LRRC4C: variants seen among roughly 807,000 people sequenced by gnomAD.
LRRC4C encodes the protein leucine-rich repeat-containing protein 4C.
In LRRC4C, 5 loss-of-function variants were observed where a neutral mutation model predicts 33.6. The ratio of observed to expected loss-of-function variants is 0.15; its 90% CI spans 0.08 to 0.31. LRRC4C has a LOEUF of 0.31. Among genes scored for constraint, LRRC4C ranks in the 10% least tolerant of loss-of-function variants. The probability of loss-of-function intolerance (pLI) is 1.00; values close to 1 mark genes in which losing one functional copy is unlikely to be tolerated. For missense variants in LRRC4C, 560 were observed against 796.7 expected, an observed-to-expected ratio of 0.70 and a Z score of 3.58; for synonymous variants, 329 against 302.0, an observed-to-expected ratio of 1.09 and a Z score of -0.93.
chr11:40,656,333 T>G (rs546738405), intron 2 of LRRC4C, among the ~76,000 whole-genome samples: 46 of 152,060 alleles, frequency 3.0e-4, no homozygotes, highest in African/African-American at 1.1e-3. Context: ...CACACAAGTG[T>G]TTATATGAAA....
intron 1 of LRRC4C, among the ~76,000 whole-genome samples, chr11:41,137,076 T>A (rs979829729): frequency 6.6e-6 from 1 of 151,966 alleles, no homozygotes; most frequent in African/African-American, 2.4e-5. Context: ...GGCGAAACCC[T>A]GACCCTAGTA....
At chr11:40,688,020 C>T (rs77763978) in intron 2 of LRRC4C, among the ~76,000 whole-genome samples, 3,520 of 151,670 alleles carry the variant, frequency 0.023, 141 homozygotes, top group African/African-American at 0.08. Flanking sequence ...TTGTAATCTA[C>T]TATTGTTCCA....
intron 3 of LRRC4C, among the ~76,000 whole-genome samples, chr11:40,644,830 A>C (rs1942343692): frequency 6.6e-6 from 1 of 152,190 alleles, no homozygotes; most frequent in African/African-American, 2.4e-5. Flanking sequence ...GGTGATAGAA[A>C]TGACGTGTAT....
intron 3 of LRRC4C, among the ~76,000 whole-genome samples, chr11:40,363,816 A>G (rs1948078886): frequency 6.6e-6 from 1 of 152,180 alleles, no homozygotes; most frequent in Non-Finnish European, 1.5e-5. Context: ...GGAACCAATG[A>G]ACACTGTTTC....
intron 1 of LRRC4C, among the ~76,000 whole-genome samples, chr11:41,376,929 G>A (rs2137842232): frequency 6.6e-6 from 1 of 152,122 alleles, no homozygotes; most frequent in East Asian, 1.9e-4. Flanking sequence ...AAGACCTAAA[G>A]CAATTAACTT....
At chr11:40,613,529 A>G (rs910330403) in intron 3 of LRRC4C, among the ~76,000 whole-genome samples, 1 of 151,778 alleles carries the variant, frequency 6.6e-6, no homozygotes, top group Non-Finnish European at 1.5e-5. Context: ...ATTCTACTGA[A>G]GTCTTGAAGC....
intron 3 of LRRC4C, among the ~76,000 whole-genome samples, chr11:40,330,328 A>G (rs1946302529): frequency 6.6e-6 from 1 of 152,122 alleles, no homozygotes; most frequent in South Asian, 2.1e-4. Context: ...TAAAAATATT[A>G]TTTTTAATTA....
At chr11:40,409,795 G>C (rs1202884712) in intron 3 of LRRC4C, among the ~76,000 whole-genome samples, 1 of 152,002 alleles carries the variant, frequency 6.6e-6, no homozygotes, top group South Asian at 2.1e-4. Context: ...ATGTAAATTA[G>C]TATAAGCATT....
rs1956875256 is a variant in LRRC4C, at chr11:40,914,890, T to C, written c.-407+18745A>G. The stretch of plus-strand genomic sequence containing the variant: ...ATCAATGTACAAAAATCACAAGCAT[T>C]CTTATACACCAATAACAGACAGAGA... On this transcript the variant is annotated intron_variant, in intron 2 of 6. Coordinates refer to ENST00000528697, the MANE Select transcript of LRRC4C (RefSeq NM_001258419.2). 1.3e-5 allele frequency among the ~76,000 whole-genome samples: 2 copies of C among 152,158 alleles called. 1 individual carries two copies. The highest frequency in any genetic ancestry group is 4.1e-4 in the South Asian group (2 of 4,826).
chr11:40,389,760 T>C (rs777162100), intron 3 of LRRC4C, among the ~76,000 whole-genome samples: 31 of 152,190 alleles, frequency 2.0e-4, no homozygotes, highest in Non-Finnish European at 4.6e-4. Flanking sequence ...TTTACTACTA[T>C]TTTACTCATG....
chr11:40,643,789 A>G (rs531292452), intron 3 of LRRC4C, among the ~76,000 whole-genome samples: 122 of 152,276 alleles, frequency 8.0e-4, no homozygotes, highest in Non-Finnish European at 1.4e-3. Flanking sequence ...ATATAAGCAA[A>G]GGACAGGTGA....
intron 3 of LRRC4C, among the ~76,000 whole-genome samples, chr11:40,348,304 C>T (rs1409553167): frequency 6.6e-6 from 1 of 151,466 alleles, no homozygotes; most frequent in Non-Finnish European, 1.5e-5. Context: ...CTGTGAAGCA[C>T]AATAAAACAA....
At chr11:41,123,518 C>A (rs569120079) in intron 1 of LRRC4C, among the ~76,000 whole-genome samples, 1 of 151,300 alleles carries the variant, frequency 6.6e-6, no homozygotes, top group South Asian at 2.1e-4. Context: ...GTGATCCGCC[C>A]GCCTCGGCCT....
intron 1 of LRRC4C, among the ~76,000 whole-genome samples, chr11:41,047,202 C>T (rs943001032): frequency 9.2e-5 from 14 of 151,758 alleles, no homozygotes; most frequent in African/African-American, 2.4e-4. Context: ...ATTAAAAATT[C>T]GCAAAAAATT....
At chr11:41,279,448 C>T in intron 1 of LRRC4C, among the ~76,000 whole-genome samples, 1 of 147,288 alleles carries the variant, frequency 6.8e-6, no homozygotes, top group African/African-American at 2.5e-5. Context: ...TCACTGCCTG[C>T]AATGGGTACA....
chr11:40,567,895 T>C (rs1957829404), intron 3 of LRRC4C, among the ~76,000 whole-genome samples: 1 of 152,210 alleles, frequency 6.6e-6, no homozygotes. Context: ...TAGTTTCTCA[T>C]GAAATCCCCC....
chr11:41,397,099 C>T (rs551832598), intron 1 of LRRC4C, among the ~76,000 whole-genome samples: 1 of 151,870 alleles, frequency 6.6e-6, no homozygotes, highest in East Asian at 1.9e-4. Context: ...AGATGCAAAC[C>T]CACGCTGTCT....
intron 1 of LRRC4C, among the ~76,000 whole-genome samples, chr11:41,425,844 C>T (rs1440803164): frequency 6.6e-6 from 1 of 152,038 alleles, no homozygotes; most frequent in Admixed American, 6.6e-5. Context: ...GGGTTTCAAG[C>T]AGCTGTTTCC....
intron 2 of LRRC4C, among the ~76,000 whole-genome samples, chr11:40,734,736 G>T (rs910195768): frequency 1.3e-5 from 2 of 152,114 alleles, no homozygotes; most frequent in Non-Finnish European, 2.9e-5. Context: ...AAGCCAGTTT[G>T]ATCTCCAAGG....
Sources: gnomAD v4.1 joint callset for allele counts (sites outside exome capture counted in the v4.1 genomes callset) on GRCh38, gnomAD v4.1.1 for gene constraint, MANE v1.5 for transcripts, NCBI Gene and HGNC (gene_info 2026-07-23, HGNC 2026-07-21) for gene names.